Variants in FAM117B observed in about 807,000 individuals in gnomAD.
The protein encoded by FAM117B is family with sequence similarity 117 member B.
A neutral mutation model predicts 52.8 loss-of-function variants in FAM117B; 22 were observed. The observed-to-expected ratio is 0.42, with a 90% CI of 0.30 to 0.59. The LOEUF is 0.59. Ranked by LOEUF, FAM117B falls within the 20% of genes least tolerant of loss-of-function variation. The probability of loss-of-function intolerance (pLI) is 0.22; values close to 1 mark genes in which losing one functional copy is unlikely to be tolerated. For synonymous variants in FAM117B, 309 were observed against 324.1 expected, an observed-to-expected ratio of 0.95 and a Z score of 0.50; for missense variants, 678 against 802.6, an observed-to-expected ratio of 0.84 and a Z score of 1.88.
intron 2 of FAM117B, among the ~76,000 whole-genome samples, chr2:202,699,371 G>C (rs1453842688): frequency 7.6e-6 from 1 of 131,580 alleles, no homozygotes; most frequent in African/African-American, 2.9e-5. Flanking sequence ...AGGTTGCTGT[G>C]AGCCGAGATC....
intron 2 of FAM117B, among the ~76,000 whole-genome samples, chr2:202,721,679 G>A (rs1691155105): frequency 6.6e-6 from 1 of 152,034 alleles, no homozygotes; most frequent in East Asian, 1.9e-4. Context: ...TGACATCCAG[G>A]CTGGAGTGCA....
At chr2:202,711,657 G>T (rs1253234955) in intron 2 of FAM117B, among the ~76,000 whole-genome samples, 1 of 152,096 alleles carries the variant, frequency 6.6e-6, no homozygotes, top group Non-Finnish European at 1.5e-5. Context: ...ATGTTTTCTT[G>T]TAGTAGTTTC....
chr2:202,645,170 T>C (rs1047214331), intron 1 of FAM117B, among the ~76,000 whole-genome samples: 9 of 152,252 alleles, frequency 5.9e-5, no homozygotes, highest in African/African-American at 2.2e-4. Context: ...AGAGACTGAG[T>C]CTCGCTGTAT....
chr2:202,721,172 A>G (rs1344860259), intron 2 of FAM117B, among the ~76,000 whole-genome samples: 4 of 152,180 alleles, frequency 2.6e-5, no homozygotes, highest in Non-Finnish European at 4.4e-5. Flanking sequence ...GAGAACCTCT[A>G]TAAGCTCTGA....
intron 1 of FAM117B, among the ~76,000 whole-genome samples, chr2:202,651,526 C>A (rs1689958825): frequency 6.6e-6 from 1 of 150,688 alleles, no homozygotes; most frequent in Non-Finnish European, 1.5e-5. Flanking sequence ...TCGCTCACGA[C>A]CATGCCTGGT....
In FAM117B at chr2:202,661,483, T is replaced by C. The variant is rs181568505; in HGVS notation, c.601+25695T>C. On this transcript the variant is annotated intron_variant, in intron 1 of 7. Transcript: ENST00000392238. ...TAATTCTTAAACTGCCTTTATAAAG[T>C]AGGTATATTACCATTTTAATATTGA... is the stretch of plus-strand genomic sequence containing the variant. Among the ~76,000 whole-genome samples the C allele has an allele frequency of 3.6e-3, 548 of 152,332 alleles. 3 individuals are homozygous for C. Among genetic ancestry groups the C allele is most frequent in the South Asian group, 6.0e-3 (29 of 4,830 alleles).
chr2:202,656,583 C>A (rs1690060589), intron 1 of FAM117B, among the ~76,000 whole-genome samples: 1 of 151,938 alleles, frequency 6.6e-6, no homozygotes, highest in Non-Finnish European at 1.5e-5. Flanking sequence ...TATTTTATTT[C>A]TTTTCTTCTA....
intron 4 of FAM117B, among the ~76,000 whole-genome samples, chr2:202,736,946 A>G (rs1183925981): frequency 2.6e-5 from 4 of 151,962 alleles, no homozygotes; most frequent in African/African-American, 9.7e-5. Context: ...TCTTTCCCCT[A>G]CTCAGCTACT....
chr2:202,660,790 C>G (rs577629522), intron 1 of FAM117B, among the ~76,000 whole-genome samples: 4 of 152,278 alleles, frequency 2.6e-5, no homozygotes, highest in African/African-American at 7.2e-5. Flanking sequence ...CTGCACTGTT[C>G]CAGTTACAGA....
intron 4 of FAM117B, among the ~76,000 whole-genome samples, chr2:202,742,987 G>A (rs1180527543): frequency 2.6e-5 from 4 of 152,128 alleles, no homozygotes; most frequent in Admixed American, 2.6e-4. Flanking sequence ...GTCCACCACT[G>A]CTACTGCACT....
chr2:202,705,819 A>G (rs1399575117), intron 2 of FAM117B, among the ~76,000 whole-genome samples: 2 of 152,148 alleles, frequency 1.3e-5, no homozygotes, highest in Non-Finnish European at 1.5e-5. Context: ...ATATTTGCTG[A>G]CTATACCAAT....
intron 5 of FAM117B, 52 bp from the exon 6 acceptor site, chr2:202,757,161 G>A (rs1382550634): frequency 1.4e-5 from 22 of 1,538,218 alleles, no homozygotes; most frequent in Non-Finnish European, 1.9e-5. Flanking sequence ...TTCATTGCTG[G>A]TGATTCGAAA....
intron 1 of FAM117B, among the ~76,000 whole-genome samples, chr2:202,644,064 G>GTTTT (rs1161026426): frequency 2.5e-4 from 24 of 95,146 alleles, no homozygotes; most frequent in African/African-American, 7.6e-4. Flanking sequence ...TTTTTTTTTT[G>GTTTT]TTTTTTTTTT....
intron 1 of FAM117B, among the ~76,000 whole-genome samples, chr2:202,672,521 C>CT (rs1167821566): frequency 2.0e-5 from 3 of 152,072 alleles, no homozygotes; most frequent in Non-Finnish European, 2.9e-5. Context: ...GCACTATTTT[C>CT]TTTTTTTATT....
rs1219743876 is a variant in FAM117B, at chr2:202,644,053, G to GTTTTT, written c.601+8271_601+8275dup. On this transcript the variant is annotated intron_variant, in intron 1 of 7. Transcript: ENST00000392238. ...ATGCTATACTACTGCTTTAGGAGCT[G>GTTTTT]TTTTTTTTTTGTTTTTTTTTTTTTT... Among the ~76,000 whole-genome samples, 483 of 59,840 alleles carry GTTTTT rather than the reference G, an allele frequency of 8.1e-3. 23 individuals are homozygous for GTTTTT. Among genetic ancestry groups the GTTTTT allele is most frequent in the African/African-American group, 0.031 (387 of 12,368 alleles). 39.3% of individuals were successfully genotyped at this position (59,840 alleles called of 152,430 possible).
intron 2 of FAM117B, among the ~76,000 whole-genome samples, chr2:202,720,483 T>C (rs1454059248): frequency 6.6e-6 from 1 of 151,958 alleles, no homozygotes; most frequent in Non-Finnish European, 1.5e-5. Context: ...CTACATATTT[T>C]GATATGTATC....
intron 4 of FAM117B, among the ~76,000 whole-genome samples, chr2:202,752,467 A>G (rs1318012094): frequency 1.3e-4 from 19 of 151,626 alleles, no homozygotes; most frequent in Admixed American, 1.2e-3. Flanking sequence ...AAAAGGAGAA[A>G]TAGAGATTTA....
chr2:202,646,509 T>C (rs1050998845), intron 1 of FAM117B, among the ~76,000 whole-genome samples: 2 of 152,202 alleles, frequency 1.3e-5, no homozygotes, highest in Non-Finnish European at 2.9e-5. Context: ...TGTAGTGTCC[T>C]TAAGTCCAGA....
chr2:202,716,800 A>G (rs1388298151), intron 2 of FAM117B, among the ~76,000 whole-genome samples: 2 of 152,058 alleles, frequency 1.3e-5, no homozygotes, highest in East Asian at 1.9e-4. Context: ...TTCTACTACT[A>G]AAAGACTCTA....
Sources: allele counts gnomAD v4.1 joint callset (sites outside exome capture counted in the v4.1 genomes callset), GRCh38; gene constraint gnomAD v4.1.1; transcripts MANE v1.5; gene names NCBI Gene and HGNC (gene_info 2026-07-23, HGNC 2026-07-21).